The following RSPH14 variants were observed in gnomAD, a reference collection of about 807,000 sequenced individuals.
The protein encoded by RSPH14 is radial spoke head 14 homolog, also known as rhabdoid tumor deletion region gene 1.
RSPH14 carries 20 observed loss-of-function variants against 26.7 expected under a neutral mutation model. That is an observed-to-expected ratio of 0.75 (90% CI 0.53 to 1.09). The LOEUF (loss-of-function observed/expected upper bound fraction) is 1.09. RSPH14 is among the 50% of genes least tolerant of loss of function. The pLI is 0.00. For missense variants in RSPH14, 449 were observed against 457.2 expected, an observed-to-expected ratio of 0.98 and a Z score of 0.16; for synonymous variants, 177 against 189.3, an observed-to-expected ratio of 0.93 and a Z score of 0.53.
At chr22:23,060,682 C>A (rs904930976) in intron 6 of RSPH14, among the ~76,000 whole-genome samples, 2 of 152,124 alleles carry the variant, frequency 1.3e-5, no homozygotes, top group African/African-American at 2.4e-5. Flanking sequence ...CCTGCCAACT[C>A]CCATTGTCCT....
the RSPH14 span, chr22:23,159,003 C>G: frequency 3.1e-6 from 5 of 1,611,162 alleles, no homozygotes; most frequent in Non-Finnish European, 4.2e-6. Flanking sequence ...CACTGGTGGT[C>G]TGGGTGGCCC....
chr22:23,174,272 C>T, the RSPH14 span, among the ~76,000 whole-genome samples: 3 of 151,198 alleles, frequency 2.0e-5, no homozygotes, highest in Non-Finnish European at 4.4e-5. Context: ...GGCACTGTGG[C>T]TCACGCCTGT....
intron 4 of RSPH14, among the ~76,000 whole-genome samples, chr22:23,076,124 C>A (rs923544429): frequency 6.6e-6 from 1 of 152,186 alleles, no homozygotes; most frequent in Non-Finnish European, 1.5e-5. Context: ...AGGCTGTGGC[C>A]CTGCTCCAGA....
At chr22:23,079,583 G>T (rs1052125646) in intron 4 of RSPH14, among the ~76,000 whole-genome samples, 1 of 152,168 alleles carries the variant, frequency 6.6e-6, no homozygotes, top group Admixed American at 6.5e-5. Flanking sequence ...ACATGAGAAG[G>T]TTTCAAGCAC....
At chr22:23,149,179 T>C (rs1484901064), upstream of RSPH14, among the ~76,000 whole-genome samples, 2 of 129,524 alleles carry the variant, frequency 1.5e-5, no homozygotes, top group African/African-American at 5.6e-5. Context: ...ACAGAGCAGG[T>C]GGCTGTGGCT....
At chr22:23,139,013 G>T in intron 2 of RSPH14, 71 bp from the exon 3 acceptor site, 1 of 1,287,254 alleles carries the variant, frequency 7.8e-7, no homozygotes, top group African/African-American at 1.5e-5. Context: ...AACCAACCCA[G>T]AAGTCAATAA....
chr22:23,116,371 G>T (rs572344722), intron 4 of RSPH14, among the ~76,000 whole-genome samples: 1 of 152,382 alleles, frequency 6.6e-6, no homozygotes, highest in South Asian at 2.1e-4. Context: ...GTGAGGGGAT[G>T]ACGTGGCTAC....
At chr22:23,145,298 C>A, upstream of RSPH14, 1 of 1,377,690 alleles carries the variant, frequency 7.3e-7, no homozygotes, top group Non-Finnish European at 1.0e-6. Flanking sequence ...TGATCTCCGG[C>A]TCTCCAGGGT....
At chr22:23,158,248 CAT>C in the RSPH14 span, among the ~76,000 whole-genome samples, 1 of 152,230 alleles carries the variant, frequency 6.6e-6, no homozygotes, top group African/African-American at 2.4e-5. Flanking sequence ...GGAGCCAGCA[CAT>C]GAGTGTGAGC....
chr22:23,111,472 G>A (rs2069657217), intron 4 of RSPH14, among the ~76,000 whole-genome samples: 1 of 152,256 alleles, frequency 6.6e-6, no homozygotes, highest in Admixed American at 6.5e-5. Context: ...AAACGGAGAT[G>A]CCAAGGCAGT....
chr22:23,122,917 A>AG (rs964191508), intron 4 of RSPH14, among the ~76,000 whole-genome samples: 3 of 152,164 alleles, frequency 2.0e-5, no homozygotes, highest in African/African-American at 7.2e-5. Flanking sequence ...TTTCCGTGGG[A>AG]GGTGGGTGAA....
rs181285202 is a variant in RSPH14, at chr22:23,130,974, G to A, written c.421+3052C>T. ...TGGCCCAGCGATGCCCTCCCTGGCA[G>A]ATGCTCTAGGGGACTCTCCTTCCAG... is the stretch of plus-strand genomic sequence containing the variant. On this transcript the variant is annotated intron_variant, in intron 4 of 6. Transcript: ENST00000216036. Among the ~76,000 whole-genome samples the A allele has an allele frequency of 3.8e-4, 58 of 152,366 alleles. No homozygotes were observed. The East Asian group carries it at 6.7e-3, about 18-fold the overall frequency.
At chr22:23,177,016 C>T in the RSPH14 span, among the ~76,000 whole-genome samples, 32 of 152,356 alleles carry the variant, frequency 2.1e-4, no homozygotes, top group Middle Eastern at 3.4e-3. Context: ...CAAGTTCTAT[C>T]GGACAGTGCA....
intron 4 of RSPH14, among the ~76,000 whole-genome samples, chr22:23,066,191 A>T (rs772054504): frequency 9.9e-5 from 15 of 152,144 alleles, no homozygotes; most frequent in Non-Finnish European, 1.8e-4. Context: ...GGAAGTTGTT[A>T]ATTTTCAAAT....
chr22:23,078,951 G>A (rs755985773), intron 4 of RSPH14, among the ~76,000 whole-genome samples: 36 of 152,140 alleles, frequency 2.4e-4, no homozygotes, highest in Admixed American at 2.2e-3. Context: ...GGAAGGCCAC[G>A]GGCCTTTCCA....
upstream of RSPH14, chr22:23,145,491 C>T: frequency 6.2e-7 from 1 of 1,608,064 alleles, no homozygotes; most frequent in Non-Finnish European, 8.5e-7. Flanking sequence ...CCATGGTGAT[C>T]GCCGCCGCTG....
At chr22:23,133,416 T>C (rs970918872) in intron 4 of RSPH14, among the ~76,000 whole-genome samples, 2 of 152,164 alleles carry the variant, frequency 1.3e-5, no homozygotes, top group Admixed American at 1.3e-4. Flanking sequence ...GTCTTATAAA[T>C]TGAAGATACC....
chr22:23,179,033 C>T, the RSPH14 span, among the ~76,000 whole-genome samples: 5 of 152,180 alleles, frequency 3.3e-5, no homozygotes, highest in Admixed American at 3.3e-4. Flanking sequence ...AAAACTGAGG[C>T]TCAGAGAGGC....
At position 23,063,940 on chromosome 22, in the gene RSPH14, G is replaced by A; in HGVS notation, c.615C>T (p.Asn205=). The change falls in exon 5 of 7, where the codon AAC becomes AAT. Residue 205 remains asparagine (N), a synonymous_variant. Transcript: ENST00000216036. ...LKQKLLSANQ[N]IRSKAARALL... is the part of the protein sequence containing the mutation. Reference sequence around the variant, plus strand: ...GCGCACGGGCGGCCTTGCTGCGGATGTTCTGGTTGGCGCTGAGGAGCTTCT... The same window carrying A: ...GCGCACGGGCGGCCTTGCTGCGGATATTCTGGTTGGCGCTGAGGAGCTTCT... The A allele has an allele frequency of 6.2e-7, 1 of 1,614,230 alleles. No individual in the cohort carries two copies. Among genetic ancestry groups the A allele is most frequent in the East Asian group, 2.2e-5 (1 of 44,886 alleles).
Sources: gnomAD v4.1 joint callset for allele counts (sites outside exome capture counted in the v4.1 genomes callset) on GRCh38, gnomAD v4.1.1 for gene constraint, MANE v1.5 for transcripts, NCBI Gene and HGNC (gene_info 2026-07-23, HGNC 2026-07-21) for gene names.